TTC23: variants seen among roughly 807,000 people sequenced by gnomAD.
TTC23 encodes tetratricopeptide repeat domain 23.
Under a neutral mutation model 55.1 loss-of-function variants are expected in TTC23, and 58 were observed. The observed-to-expected ratio is 1.05, with a 90% CI of 0.85 to 1.31. TTC23 has a LOEUF of 1.31. Ranked by LOEUF, TTC23 falls within the 50% of genes most tolerant of loss-of-function variation. The pLI, the probability that TTC23 is intolerant of heterozygous loss-of-function variation, is 0.00. For missense variants in TTC23, 516 were observed against 534.4 expected (o/e 0.97, Z 0.34); for synonymous variants, 203 against 199.9 (o/e 1.02, Z -0.13).
chr15:99,139,292 G>T, intron 13 of TTC23, 25 bp downstream of exon 13: 1 of 1,607,796 alleles, frequency 6.2e-7, no homozygotes, highest in Non-Finnish European at 8.5e-7. Context: ...ATGAGATAGA[G>T]AAAGTGTGAG....
intron 9 of TTC23, among the ~76,000 whole-genome samples, chr15:99,188,482 A>T (rs557488671): frequency 1.1e-4 from 17 of 152,174 alleles, no homozygotes; most frequent in African/African-American, 3.8e-4. Flanking sequence ...TGGTATACAA[A>T]TTTTCTCAAA....
chr15:99,192,285 G>A (rs2075306404), intron 9 of TTC23, among the ~76,000 whole-genome samples: 1 of 152,208 alleles, frequency 6.6e-6, no homozygotes. Context: ...CCAAGACAAT[G>A]GGGAAAATGT....
intron 12 of TTC23, among the ~76,000 whole-genome samples, chr15:99,143,985 T>C (rs1211235390): frequency 6.6e-6 from 1 of 152,180 alleles, no homozygotes; most frequent in African/African-American, 2.4e-5. Flanking sequence ...CATCAGTTAC[T>C]AAAACCTCTG....
chr15:99,201,209 T>C (rs1454061847), intron 8 of TTC23, among the ~76,000 whole-genome samples: 3 of 152,198 alleles, frequency 2.0e-5, no homozygotes, highest in African/African-American at 7.2e-5. Context: ...AAGGTGGCAG[T>C]GCGAAAATAT....
chr15:99,153,696 AAAC>A (rs2070155185), intron 12 of TTC23, among the ~76,000 whole-genome samples: 1 of 152,226 alleles, frequency 6.6e-6, no homozygotes, highest in Non-Finnish European at 1.5e-5. Flanking sequence ...CCCAACTCAT[AAAC>A]ACAGAAAAAA....
intron 9 of TTC23, among the ~76,000 whole-genome samples, chr15:99,191,211 G>A (rs148626188): frequency 1.4e-3 from 208 of 152,274 alleles, no homozygotes; most frequent in Middle Eastern, 6.8e-3. Context: ...AAGTAAATGC[G>A]TTTGATTTCA....
intron 3 of TTC23, among the ~76,000 whole-genome samples, chr15:99,237,960 T>C (rs2079459606): frequency 6.6e-6 from 1 of 152,170 alleles, no homozygotes; most frequent in African/African-American, 2.4e-5. Context: ...CTTGTTTATT[T>C]ATTTTTTATT....
Position 99,221,795 on chromosome 15 carries a change from A to G in TTC23, c.250T>C (p.Trp84Arg). The G allele has an allele frequency of 1.9e-6, 3 of 1,614,184 alleles. No individual in the cohort carries two copies. The highest frequency in any genetic ancestry group is 8.5e-7 in the Non-Finnish European group (1 of 1,180,032). Reference sequence around the variant, plus strand: ...TTAACATGTGCCTCTGCTAGTTTCCAATGTGAGTCTCCATAGCAAATTCTT... The same window carrying G: ...TTAACATGTGCCTCTGCTAGTTTCCGATGTGAGTCTCCATAGCAAATTCTT... ...LTRICYGDSH[W>R]KLAEAHVNLA... Residue 84 changes from tryptophan to arginine, a missense_variant, in exon 6 of 14, where the codon TGG becomes CGG. Transcript: ENST00000394132.
rs200981535 is a variant in TTC23 at position 99,138,005 on chromosome 15, G to A, written c.*5C>T. On this transcript the variant is annotated 3_prime_UTR_variant, in exon 14 of 14. Coordinates refer to ENST00000394132, the MANE Select transcript of TTC23 (RefSeq NM_001288615.3). ...AATGTCCTAGGCTTTTTCAGGGTGGGGGCCTCAGTCTGCTGTTGTGCCGGG... is the reference window on the plus strand; with the variant it reads ...AATGTCCTAGGCTTTTTCAGGGTGGAGGCCTCAGTCTGCTGTTGTGCCGGG... The A allele has an allele frequency of 6.2e-7, 1 of 1,614,110 alleles. No homozygotes were observed. The highest frequency in any genetic ancestry group is 1.1e-5 in the South Asian group (1 of 91,086).
chr15:99,184,052 T>C lies in TTC23; in HGVS notation c.760-8897A>G, dbSNP rs117120506. Among the ~76,000 whole-genome samples the C allele has an allele frequency of 3.4e-4, 52 of 152,246 alleles. No individual in the cohort carries two copies. The East Asian group carries it at 9.9e-3, about 29-fold the overall frequency. ...AGCCTTGGTAGCTTCCATGAGGTGT[T>C]GAGCTTGCAGGTACACAGAAGTCAA... On this transcript the variant is annotated intron_variant, in intron 9 of 13. Coordinates refer to ENST00000394132, the MANE Select transcript of TTC23 (RefSeq NM_001288615.3).
In TTC23 at chr15:99,136,422, A is replaced by G. The variant is rs183658497; in HGVS notation, c.*1588T>C. ...AGCCTGAAAGGCTTAAACAACAAACATTTATTTCTTACAGTTCTGGAAGCT... is the reference window on the plus strand; with the variant it reads ...AGCCTGAAAGGCTTAAACAACAAACGTTTATTTCTTACAGTTCTGGAAGCT... On this transcript the variant is annotated 3_prime_UTR_variant, in exon 14 of 14. Coordinates refer to ENST00000394132, the MANE Select transcript of TTC23 (RefSeq NM_001288615.3). The G allele has an allele frequency of 6.6e-6, 1 of 152,314 alleles. No homozygotes were observed. Among genetic ancestry groups the G allele is most frequent in the Non-Finnish European group, 1.5e-5 (1 of 68,024 alleles). 9.4% of individuals were successfully genotyped at this position (152,314 alleles called of 1,614,324 possible).
chr15:99,238,539 A>C (rs2079512940), intron 3 of TTC23, among the ~76,000 whole-genome samples: 1 of 152,170 alleles, frequency 6.6e-6, no homozygotes, highest in Middle Eastern at 3.2e-3. Flanking sequence ...GAGAAGAGAA[A>C]GCATCCCAAG....
At chr15:99,187,439 C>T (rs1389090486) in intron 9 of TTC23, among the ~76,000 whole-genome samples, 1 of 66,660 alleles carries the variant, frequency 1.5e-5, no homozygotes, top group Non-Finnish European at 2.7e-5. Context: ...AGATGTGATG[C>T]CAAAAGCACA....
chr15:99,145,116 ACAGT>A (rs782802169), intron 12 of TTC23: 3 of 152,232 alleles, frequency 2.0e-5, no homozygotes, highest in South Asian at 4.1e-4. Context: ...CTACAGAAAC[ACAGT>A]CAGGGGTAGT....
At chr15:99,218,848 T>A in intron 7 of TTC23, 50 bp downstream of exon 7, 1 of 1,599,904 alleles carries the variant, frequency 6.3e-7, no homozygotes, top group South Asian at 1.1e-5. Flanking sequence ...GGCGTGTAAG[T>A]GTTACGTGAA....
chr15:99,164,966 T>C (rs930313121), intron 10 of TTC23, among the ~76,000 whole-genome samples: 2 of 152,208 alleles, frequency 1.3e-5, no homozygotes, highest in Admixed American at 6.5e-5. Context: ...CCTTGCTGTG[T>C]TCCCCATCTG....
intron 12 of TTC23, among the ~76,000 whole-genome samples, chr15:99,141,882 T>C (rs1486447926): frequency 1.3e-5 from 2 of 152,164 alleles, no homozygotes; most frequent in African/African-American, 4.8e-5. Flanking sequence ...CTAAGAAATA[T>C]ACAATATCAA....
intron 11 of TTC23, chr15:99,157,514 AT>A (rs2070775943): frequency 6.6e-6 from 1 of 152,126 alleles, no homozygotes; most frequent in Non-Finnish European, 1.5e-5. Context: ...GCCCAGTCTA[AT>A]TTTCATACAT....
chr15:99,246,363 C>G (rs983371139), intron 1 of TTC23, among the ~76,000 whole-genome samples: 3 of 152,176 alleles, frequency 2.0e-5, no homozygotes, highest in African/African-American at 7.2e-5. Context: ...CGCCTGTAAT[C>G]CCAGCACTTT....
Sources: gnomAD v4.1 joint callset for allele counts (sites outside exome capture counted in the v4.1 genomes callset) on GRCh38, gnomAD v4.1.1 for gene constraint, MANE v1.5 for transcripts, NCBI Gene and HGNC (gene_info 2026-07-23, HGNC 2026-07-21) for gene names.